The following MACROD2 variants were observed in gnomAD, a reference collection of about 807,000 sequenced individuals.
MACROD2 encodes the protein ADP-ribose glycohydrolase MACROD2.
A neutral mutation model predicts 70.4 loss-of-function variants in MACROD2; 36 were observed. That is an observed-to-expected ratio of 0.51 (90% CI 0.39 to 0.68). The LOEUF (loss-of-function observed/expected upper bound fraction) is 0.68. Ranked by LOEUF, MACROD2 falls within the 30% of genes least tolerant of loss-of-function variation. The pLI, the probability that MACROD2 is intolerant of heterozygous loss-of-function variation, is 0.00. For synonymous variants in MACROD2, 172 were observed against 178.8 expected, an observed-to-expected ratio of 0.96 and a Z score of 0.30; for missense variants, 496 against 538.4, an observed-to-expected ratio of 0.92 and a Z score of 0.78.
intron 5 of MACROD2, among the ~76,000 whole-genome samples, chr20:15,184,892 A>G (rs930640330): frequency 6.6e-6 from 1 of 152,202 alleles, no homozygotes; most frequent in Non-Finnish European, 1.5e-5. Flanking sequence ...TGTTGGCCCT[A>G]GAGACAAAAT....
chr20:15,795,480 T>C (rs1425310128), intron 8 of MACROD2, among the ~76,000 whole-genome samples: 1 of 151,868 alleles, frequency 6.6e-6, no homozygotes, highest in Non-Finnish European at 1.5e-5. Context: ...TAGGCCATGG[T>C]GTAGTTGGAA....
chr20:15,105,342 C>G (rs550696035), intron 5 of MACROD2, among the ~76,000 whole-genome samples: 10 of 152,242 alleles, frequency 6.6e-5, no homozygotes, highest in African/African-American at 1.9e-4. Flanking sequence ...GACAAAATCT[C>G]CTTGCCTATC....
chr20:15,658,225 CTTT>C (rs11296773), intron 8 of MACROD2, among the ~76,000 whole-genome samples: 1,549 of 140,972 alleles, frequency 0.011, 24 homozygotes, highest in African/African-American at 0.038. Flanking sequence ...CTCTCTCTCT[CTTT>C]TTTTTTTTTT....
At chr20:15,427,651 C>A (rs1489536153) in intron 6 of MACROD2, among the ~76,000 whole-genome samples, 1 of 152,178 alleles carries the variant, frequency 6.6e-6, no homozygotes, top group Non-Finnish European at 1.5e-5. Flanking sequence ...GCTGGAAGGA[C>A]CCTTCAGTGT....
At chr20:15,018,254 G>A (rs1018866303) in intron 5 of MACROD2, among the ~76,000 whole-genome samples, 6 of 152,170 alleles carry the variant, frequency 3.9e-5, no homozygotes, top group Non-Finnish European at 8.8e-5. Flanking sequence ...CAAACCTTTA[G>A]GGTAGGGGCA....
chr20:14,686,475 T>C (rs936540143), intron 5 of MACROD2, among the ~76,000 whole-genome samples: 14 of 152,214 alleles, frequency 9.2e-5, no homozygotes, highest in Non-Finnish European at 1.8e-4. Context: ...ACACAAAGTT[T>C]TAGATTTTGG....
At chr20:15,340,110 TTTTC>T (rs1300054535) in intron 6 of MACROD2, among the ~76,000 whole-genome samples, 14,263 of 104,584 alleles carry the variant, frequency 0.14, 1,678 homozygotes, top group Non-Finnish European at 0.18. Context: ...TCTTTTTCTT[TTTTC>T]TTTCTTTCTT....
At chr20:14,127,638 A>G in intron 3 of MACROD2, 1 of 429,062 alleles carries the variant, frequency 2.3e-6, no homozygotes, top group South Asian at 2.9e-5. Context: ...GAAATTCAAA[A>G]CAGAATGAAG....
intron 3 of MACROD2, among the ~76,000 whole-genome samples, chr20:14,104,796 G>A (rs2054347097): frequency 6.6e-6 from 1 of 152,118 alleles, no homozygotes; most frequent in African/African-American, 2.4e-5. Flanking sequence ...TGTAGAAGAG[G>A]GAACCAGTTT....
intron 3 of MACROD2, among the ~76,000 whole-genome samples, chr20:14,202,966 A>T: frequency 6.6e-6 from 1 of 152,088 alleles, no homozygotes; most frequent in East Asian, 1.9e-4. Flanking sequence ...AGAATCACTT[A>T]AACCCATGAG....
chr20:15,704,556 T>G (rs1041197021), intron 8 of MACROD2, among the ~76,000 whole-genome samples: 5 of 152,168 alleles, frequency 3.3e-5, no homozygotes, highest in Non-Finnish European at 5.9e-5. Flanking sequence ...ACTTAAATAT[T>G]TATATGAATC....
rs183841269 is a variant in MACROD2, at chr20:15,667,166, G to A, written c.645+167319G>A. 2.4e-3 allele frequency among the ~76,000 whole-genome samples: 369 copies of A among 152,278 alleles called. 1 individual carries two copies. Among genetic ancestry groups the A allele is most frequent in the African/African-American group, 8.7e-3 (362 of 41,574 alleles). ...TGGCCATCAGGGTGGATCCCTCATG[G>A]CCTGGTGCTGTTTTAATGATAGTGA... On this transcript the variant is annotated intron_variant, in intron 8 of 17. Transcript: ENST00000684519.
intron 8 of MACROD2, among the ~76,000 whole-genome samples, chr20:15,738,191 A>G (rs938133330): frequency 2.0e-5 from 3 of 152,204 alleles, no homozygotes; most frequent in Non-Finnish European, 2.9e-5. Context: ...CTGAAACAGT[A>G]TAATTGGACT....
rs551689153 is a variant in MACROD2 at position 15,470,270 on chromosome 20, C to T, written c.572-29504C>T. On this transcript the variant is annotated intron_variant, in intron 7 of 17. Transcript: ENST00000684519. ...TTCACCATGTTAGCTAGGATGGTCT[C>T]GATCTCCTGACCCCATGATCTGCCT... is the stretch of plus-strand genomic sequence containing the variant. Among the ~76,000 whole-genome samples the T allele has an allele frequency of 1.3e-4, 20 of 152,228 alleles. 1 individual carries two copies. In the South Asian group the frequency reaches 2.9e-3, roughly 22 times the overall value.
intron 8 of MACROD2, among the ~76,000 whole-genome samples, chr20:15,771,348 T>G (rs571934240): frequency 1.6e-4 from 23 of 143,870 alleles, no homozygotes; most frequent in Admixed American, 3.4e-4. Flanking sequence ...CTAATTATTA[T>G]TATTATTTTT....
chr20:14,348,280 A>AAAATAC (rs2083084481), intron 3 of MACROD2, among the ~76,000 whole-genome samples: 1 of 147,692 alleles, frequency 6.8e-6, no homozygotes, highest in Non-Finnish European at 1.5e-5. Context: ...AAAAAAAAAA[A>AAAATAC]ATAAATAAAA....
chr20:15,834,840 C>T (rs972250280), intron 8 of MACROD2, among the ~76,000 whole-genome samples: 3 of 152,196 alleles, frequency 2.0e-5, no homozygotes, highest in African/African-American at 4.8e-5. Flanking sequence ...CCCCATGACT[C>T]TCCCCCACTG....
At chr20:15,522,531 C>G (rs2047666787) in intron 8 of MACROD2, among the ~76,000 whole-genome samples, 1 of 152,098 alleles carries the variant, frequency 6.6e-6, no homozygotes, top group African/African-American at 2.4e-5. Flanking sequence ...TGAAGAATTT[C>G]AATGAAAAAT....
At chr20:15,798,536 A>G (rs1489355151) in intron 8 of MACROD2, among the ~76,000 whole-genome samples, 1 of 152,230 alleles carries the variant, frequency 6.6e-6, no homozygotes, top group Non-Finnish European at 1.5e-5. Flanking sequence ...ATCTCATTCT[A>G]TTGGTAAAAA....
Sources: allele counts gnomAD v4.1 joint callset (sites outside exome capture counted in the v4.1 genomes callset), GRCh38; gene constraint gnomAD v4.1.1; transcripts MANE v1.5; gene names NCBI Gene and HGNC (gene_info 2026-07-23, HGNC 2026-07-21).